The following ZNF384 variants were observed in gnomAD, a reference collection of about 807,000 sequenced individuals.
The protein encoded by ZNF384 is CAG repeat protein 1.
ZNF384 carries 20 observed loss-of-function variants against 65.0 expected under a neutral mutation model. That is an observed-to-expected ratio of 0.31 (90% CI 0.22 to 0.45). The LOEUF is 0.45. Among genes scored for constraint, ZNF384 ranks in the 20% least tolerant of loss-of-function variants. The pLI, the probability that ZNF384 is intolerant of heterozygous loss-of-function variation, is 1.00. For missense variants in ZNF384, 549 were observed against 769.4 expected, an observed-to-expected ratio of 0.71 and a Z score of 3.39; for synonymous variants, 310 against 303.9, an observed-to-expected ratio of 1.02 and a Z score of -0.21.
chr12:6,669,328 A>G (rs1950608931), intron 10 of ZNF384, 139 bp from the exon 11 acceptor site: 2 of 888,592 alleles, frequency 2.3e-6, no homozygotes, highest in Non-Finnish European at 3.4e-6. Context: ...ATTGTTTCAA[A>G]TGAAACTTGA....
At chr12:6,685,443 C>T (rs971067845) in intron 2 of ZNF384, among the ~76,000 whole-genome samples, 16 of 152,066 alleles carry the variant, frequency 1.1e-4, no homozygotes, top group African/African-American at 3.6e-4. Flanking sequence ...ATCAACTTTA[C>T]TATTGCACCA....
intron 10 of ZNF384, among the ~76,000 whole-genome samples, chr12:6,670,155 C>T (rs952497349): frequency 3.3e-5 from 5 of 152,182 alleles, no homozygotes; most frequent in Admixed American, 6.5e-5. Context: ...GTGCCAGGTG[C>T]GGTGACTCAT....
At position 6,678,549 on chromosome 12, in the gene ZNF384, AC is replaced by A; in HGVS notation, c.353-90del. ...TTTCCCCCAGATCATTGTCTAATTA[AC>A]CCCTCACCCCCCCGCCGACCCAACC... On this transcript the variant is annotated intron_variant, in intron 5 of 11. Coordinates refer to ENST00000683879, the MANE Select transcript of ZNF384 (RefSeq NM_001385745.1). This position sits in a 1 kb window ranked among gnomAD's most constrained non-coding sequence, Gnocchi z 4.9. The A allele has an allele frequency of 3.3e-6, 5 of 1,510,038 alleles. No homozygotes were observed. The highest frequency in any genetic ancestry group is 4.5e-6 in the Non-Finnish European group (5 of 1,100,860). 93.5% of individuals were successfully genotyped at this position (1,510,038 alleles called of 1,614,324 possible).
chr12:6,677,419 G>T (rs548940658), intron 6 of ZNF384, among the ~76,000 whole-genome samples, 160 bp from the exon 7 acceptor site: 1 of 152,188 alleles, frequency 6.6e-6, no homozygotes, highest in South Asian at 2.1e-4. Context: ...ACTAGGGCAC[G>T]TGACAGTTCT....
chr12:6,668,227 G>C, intron 11 of ZNF384, 112 bp from the exon 12 acceptor site: 1 of 1,143,032 alleles, frequency 8.7e-7, no homozygotes. Context: ...CTTTATACTG[G>C]TTTTCTGGAG....
chr12:6,673,266 G>A lies in ZNF384; in HGVS notation c.954C>T (p.Asn318=), dbSNP rs963816056. Residue 318 remains asparagine (N), a synonymous_variant, in exon 8 of 12, where the codon AAC becomes AAT. Transcript: ENST00000683879. This position sits in a 1 kb window ranked among gnomAD's most constrained non-coding sequence, Gnocchi z 4.7. ...GCTGGCGGAAGGATTTCTCACAGAA[G>A]TTACAACTGTAGGGCTTAGCCCCTG... is the stretch of plus-strand genomic sequence containing the variant. ...IHSGAKPYSC[N]FCEKSFRQLS... is the part of the protein sequence containing the mutation. 1.8e-5 allele frequency: 29 copies of A among 1,614,190 alleles called. No individual in the cohort carries two copies. Among genetic ancestry groups the A allele is most frequent in the Non-Finnish European group, 2.4e-5 (28 of 1,180,032 alleles).
Position 6,667,608 on chromosome 12 carries a change from G to C in ZNF384, c.*106C>G, listed in dbSNP as rs937783477. The C allele has an allele frequency of 2.1e-5, 31 of 1,465,166 alleles. No homozygotes were observed. The highest frequency in any genetic ancestry group is 8.0e-5 in the South Asian group (7 of 87,538). 90.8% of individuals were successfully genotyped at this position (1,465,166 alleles called of 1,614,324 possible). A position where few individuals can be genotyped will look rare whatever the true frequency, so the allele number is the denominator to read the frequency against. ...GCCGTGACAGAGGCCCAAGGAGATG[G>C]AGCCAAGGCCTGTCAAGGAAGAAAA... On this transcript the variant is annotated 3_prime_UTR_variant, in exon 12 of 12. Coordinates refer to ENST00000683879, the MANE Select transcript of ZNF384 (RefSeq NM_001385745.1).
rs781195215 is a variant in ZNF384 at position 6,679,200 on chromosome 12, G to T, written c.67-17C>A. Reference sequence around the variant, plus strand: ...GTTCTCGATCTAAGAGAAAAGGAAGGGGACGGGAGCACCCTCTTCAGCCTG... The same window carrying T: ...GTTCTCGATCTAAGAGAAAAGGAAGTGGACGGGAGCACCCTCTTCAGCCTG... On this transcript the variant is annotated splice_polypyrimidine_tract_variant and intron_variant, in intron 3 of 11. Coordinates refer to ENST00000683879, the MANE Select transcript of ZNF384 (RefSeq NM_001385745.1). 1.3e-6 allele frequency: 2 copies of T among 1,552,774 alleles called. No homozygotes were observed. The highest frequency in any genetic ancestry group is 2.7e-5 in the African/African-American group (2 of 73,258).
Position 6,679,192 on chromosome 12 carries a change from A to C in ZNF384, c.67-9T>G, listed in dbSNP as rs1954912275. 1 of 1,562,768 alleles carries C rather than the reference A, an allele frequency of 6.4e-7. No homozygotes were observed. Among genetic ancestry groups the C allele is most frequent in the African/African-American group, 1.4e-5 (1 of 73,558 alleles). On this transcript the variant is annotated splice_polypyrimidine_tract_variant and intron_variant, in intron 3 of 11. Transcript: ENST00000683879. Reference sequence around the variant, plus strand: ...AACATTGTGTTCTCGATCTAAGAGAAAAGGAAGGGGACGGGAGCACCCTCT... The same window carrying C: ...AACATTGTGTTCTCGATCTAAGAGACAAGGAAGGGGACGGGAGCACCCTCT...
At chr12:6,674,063 C>G (rs967085838) in intron 7 of ZNF384, among the ~76,000 whole-genome samples, 3 of 152,208 alleles carry the variant, frequency 2.0e-5, no homozygotes, top group African/African-American at 7.2e-5. Context: ...TCTACCCACC[C>G]CTTGCCCACA....
chr12:6,673,533 G>T lies in ZNF384; in HGVS notation c.780-93C>A. On this transcript the variant is annotated intron_variant, in intron 7 of 11. Coordinates refer to ENST00000683879, the MANE Select transcript of ZNF384 (RefSeq NM_001385745.1). The surrounding 1 kb of genome is among the most constrained non-coding windows in gnomAD (Gnocchi z 4.7). ...ACTTCCAAGAGAAGCCCACCTATCTGAGGTCTCTCCTACTCCAACTTGAGA... is the reference window on the plus strand; with the variant it reads ...ACTTCCAAGAGAAGCCCACCTATCTTAGGTCTCTCCTACTCCAACTTGAGA... The T allele has an allele frequency of 9.1e-7, 1 of 1,101,798 alleles. No individual in the cohort carries two copies. The highest frequency in any genetic ancestry group is 1.3e-6 in the Non-Finnish European group (1 of 757,496). 68.3% of individuals were successfully genotyped at this position (1,101,798 alleles called of 1,614,324 possible).
intron 2 of ZNF384, among the ~76,000 whole-genome samples, chr12:6,683,053 G>A (rs1409289502): frequency 3.3e-5 from 5 of 152,054 alleles, no homozygotes; most frequent in Non-Finnish European, 5.9e-5. Flanking sequence ...CACTTTGGGA[G>A]GCTGAGGCAG....
Position 6,673,504 on chromosome 12 carries a change from C to G in ZNF384, c.780-64G>C. 17 of 1,468,882 alleles carry G rather than the reference C, an allele frequency of 1.2e-5. No homozygotes were observed. Among genetic ancestry groups the G allele is most frequent in the Non-Finnish European group, 1.5e-5 (16 of 1,069,012 alleles). 91.0% of individuals were successfully genotyped at this position (1,468,882 alleles called of 1,614,324 possible). A position where few individuals can be genotyped will look rare whatever the true frequency, so the allele number is the denominator to read the frequency against. ...CAAGAAGGTGTGGCTGAACCCTCCC[C>G]TCTACTTCCAAGAGAAGCCCACCTA... On this transcript the variant is annotated intron_variant, in intron 7 of 11. Coordinates refer to ENST00000683879, the MANE Select transcript of ZNF384 (RefSeq NM_001385745.1). The surrounding 1 kb of genome is among the most constrained non-coding windows in gnomAD (Gnocchi z 4.7).
At chr12:6,675,340 C>T (rs1365692041) in intron 7 of ZNF384, among the ~76,000 whole-genome samples, 2 of 152,118 alleles carry the variant, frequency 1.3e-5, no homozygotes, top group Non-Finnish European at 1.5e-5. Context: ...CATGTTTTTA[C>T]AGAAAGGAAC....
chr12:6,682,491 T>C (rs1207026800), intron 2 of ZNF384, among the ~76,000 whole-genome samples: 2 of 152,046 alleles, frequency 1.3e-5, no homozygotes, highest in African/African-American at 4.8e-5. Flanking sequence ...CTACAAAAAA[T>C]ACAAACATTT....
chr12:6,682,625 G>C (rs1956454431), intron 2 of ZNF384, among the ~76,000 whole-genome samples: 2 of 152,158 alleles, frequency 1.3e-5, no homozygotes, highest in Non-Finnish European at 2.9e-5. Context: ...GGGTAACAGA[G>C]AGAAACCCTG....
intron 2 of ZNF384, among the ~76,000 whole-genome samples, chr12:6,682,356 A>G (rs1367840897): frequency 6.6e-6 from 1 of 151,844 alleles, no homozygotes; most frequent in African/African-American, 2.4e-5. Context: ...AAAACAAAAC[A>G]AAACAAAACA....
chr12:6,669,367 C>A (rs1309295806), intron 10 of ZNF384, among the ~76,000 whole-genome samples, 178 bp from the exon 11 acceptor site: 2 of 152,168 alleles, frequency 1.3e-5, no homozygotes, highest in Admixed American at 6.5e-5. Flanking sequence ...TGGAAGCATA[C>A]CTCATGTAGC....
rs116430499 is a variant in ZNF384, at chr12:6,680,343, C to T, written c.-5-818G>A. On this transcript the variant is annotated intron_variant, in intron 2 of 11. Coordinates refer to ENST00000683879, the MANE Select transcript of ZNF384 (RefSeq NM_001385745.1). ...GAAGGTTCCAGGCCAGAACACAATA[C>T]GACTAAGAAAATTAAAAAATGAAGA... Among the ~76,000 whole-genome samples, 1,391 of 152,056 alleles carry T rather than the reference C, an allele frequency of 9.1e-3. 25 individuals are homozygous for T. The highest frequency in any genetic ancestry group is 0.029 in the African/African-American group (1,189 of 41,482).
Sources: gnomAD v4.1 joint callset for allele counts (sites outside exome capture counted in the v4.1 genomes callset) on GRCh38, gnomAD v4.1.1 for gene constraint, Gnocchi (gnomAD v3.1) non-coding constraint, MANE v1.5 for transcripts, NCBI Gene and HGNC (gene_info 2026-07-23, HGNC 2026-07-21) for gene names.